Variants in TBC1D5 observed in about 807,000 individuals in gnomAD.
TBC1D5 encodes TBC1 domain family member 5.
Under a neutral mutation model 100.3 loss-of-function variants are expected in TBC1D5, and 75 were observed. The observed-to-expected ratio is 0.75, with a 90% CI of 0.62 to 0.91. The LOEUF (loss-of-function observed/expected upper bound fraction) is 0.91, where lower values mean the gene tolerates loss of function less well. Among genes scored for constraint, TBC1D5 ranks in the 40% least tolerant of loss-of-function variants. TBC1D5 has a pLI of 0.00. For synonymous variants in TBC1D5, 323 were observed against 325.6 expected, an observed-to-expected ratio of 0.99 and a Z score of 0.09; for missense variants, 910 against 942.4, an observed-to-expected ratio of 0.97 and a Z score of 0.45.
intron 13 of TBC1D5, among the ~76,000 whole-genome samples, chr3:17,338,004 ACT>A (rs748906381): frequency 2.6e-5 from 4 of 152,042 alleles, no homozygotes; most frequent in Non-Finnish European, 5.9e-5. Flanking sequence ...TATAATCTCT[ACT>A]CTCTGCCTCT....
intron 13 of TBC1D5, among the ~76,000 whole-genome samples, chr3:17,324,210 G>A (rs1397844842): frequency 2.6e-5 from 4 of 152,166 alleles, no homozygotes; most frequent in East Asian, 1.9e-4. Flanking sequence ...ATTGTACAAC[G>A]CCTTGAAAAT....
intron 8 of TBC1D5, among the ~76,000 whole-genome samples, chr3:17,386,939 C>T (rs928528507): frequency 1.3e-5 from 2 of 152,104 alleles, no homozygotes; most frequent in African/African-American, 2.4e-5. Context: ...AAATTGTCTA[C>T]TTTTAGCAAA....
At chr3:17,325,345 C>T (rs1198840649) in intron 13 of TBC1D5, among the ~76,000 whole-genome samples, 7 of 118,766 alleles carry the variant, frequency 5.9e-5, no homozygotes, top group South Asian at 2.6e-4. Flanking sequence ...TTTTTTGAGA[C>T]GAAGTCTTGC....
At chr3:17,556,187 T>C (rs545546842) in intron 2 of TBC1D5, among the ~76,000 whole-genome samples, 2 of 152,232 alleles carry the variant, frequency 1.3e-5, no homozygotes, top group Admixed American at 1.3e-4. Flanking sequence ...GCTAGTTTTT[T>C]TGTATTTTTA....
At chr3:17,729,342 G>A (rs1412553311) in intron 1 of TBC1D5, among the ~76,000 whole-genome samples, 4 of 108,896 alleles carry the variant, frequency 3.7e-5, no homozygotes, top group Admixed American at 2.2e-4. Context: ...TGTGAAAGAT[G>A]AAATTTGAGA....
chr3:17,670,636 T>C (rs1377088964), intron 1 of TBC1D5, among the ~76,000 whole-genome samples: 1 of 152,238 alleles, frequency 6.6e-6, no homozygotes, highest in Non-Finnish European at 1.5e-5. Flanking sequence ...ATCTTTAGCA[T>C]ACTAATCATC....
rs1258224213 is a variant in TBC1D5 at position 17,455,510 on chromosome 3, GTGTA to G, written c.98-26995_98-26992del. Reference sequence around the variant, plus strand: ...TATATGTGTATATATATATGTGTGTGTGTATATATATATATATATATGTGTGTGT... The same window carrying G: ...TATATGTGTATATATATATGTGTGTGTATATATATATATATATGTGTGTGT... On this transcript the variant is annotated intron_variant, in intron 3 of 21. Transcript: ENST00000253692. Among the ~76,000 whole-genome samples the G allele has an allele frequency of 7.3e-3, 913 of 125,378 alleles. 11 individuals are homozygous for G. The highest frequency in any genetic ancestry group is 0.026 in the African/African-American group (765 of 29,620). The allele number at this position is 125,378 out of a possible 152,430, so 82.3% of individuals were successfully genotyped here. A position where few individuals can be genotyped will look rare whatever the true frequency, so the allele number is the denominator to read the frequency against.
At chr3:17,626,459 T>C (rs1644198331) in intron 1 of TBC1D5, among the ~76,000 whole-genome samples, 1 of 152,192 alleles carries the variant, frequency 6.6e-6, no homozygotes, top group Non-Finnish European at 1.5e-5. Flanking sequence ...AAATATAACA[T>C]GGTCCCTGCT....
rs370783223 is a variant in TBC1D5 at position 17,649,383 on chromosome 3, C to A, written c.-100-25470G>T. 1.0e-3 allele frequency among the ~76,000 whole-genome samples: 155 copies of A among 152,062 alleles called. 2 individuals are homozygous for A. The South Asian group carries it at 0.018, about 18-fold the overall frequency. On this transcript the variant is annotated intron_variant, in intron 1 of 21. Transcript: ENST00000253692. ...TAATTATTGGGTACTGGGCTTAATA[C>A]CTGGGTGATGAAAAAATATGTACAA...
At chr3:17,285,838 A>G (rs541706717) in intron 15 of TBC1D5, among the ~76,000 whole-genome samples, 4 of 152,364 alleles carry the variant, frequency 2.6e-5, no homozygotes, top group African/African-American at 9.6e-5. Flanking sequence ...GACAAAATTT[A>G]ATATAACCTC....
intron 13 of TBC1D5, among the ~76,000 whole-genome samples, chr3:17,317,830 G>A (rs2084887694): frequency 1.3e-5 from 2 of 151,990 alleles, no homozygotes; most frequent in African/African-American, 4.8e-5. Context: ...GATTCCTCAG[G>A]GATCTAGAAC....
intron 2 of TBC1D5, among the ~76,000 whole-genome samples, chr3:17,540,536 TGGC>T (rs2096340866): frequency 6.6e-6 from 1 of 152,174 alleles, no homozygotes; most frequent in Non-Finnish European, 1.5e-5. Flanking sequence ...TTTTTACATG[TGGC>T]TATCCCGTTT....
At chr3:17,555,377 G>A (rs1244299137) in intron 2 of TBC1D5, among the ~76,000 whole-genome samples, 1 of 152,122 alleles carries the variant, frequency 6.6e-6, no homozygotes, top group African/African-American at 2.4e-5. Context: ...CAATATATGT[G>A]AGGTATACAC....
At chr3:17,187,011 G>T (rs1386489530) in intron 18 of TBC1D5, among the ~76,000 whole-genome samples, 1 of 152,094 alleles carries the variant, frequency 6.6e-6, no homozygotes, top group East Asian at 1.9e-4. Context: ...GGGCATTTCA[G>T]GGCTTTTTTT....
chr3:17,455,073 C>T (rs977565385), intron 3 of TBC1D5, among the ~76,000 whole-genome samples: 2 of 150,530 alleles, frequency 1.3e-5, no homozygotes, highest in African/African-American at 4.9e-5. Flanking sequence ...TGACATTCCT[C>T]ACACAAGTAG....
intron 1 of TBC1D5, among the ~76,000 whole-genome samples, chr3:17,711,426 A>C (rs980922691): frequency 6.6e-6 from 1 of 152,136 alleles, no homozygotes; most frequent in African/African-American, 2.4e-5. Context: ...CAATATCTTC[A>C]AGCTCCTGGT....
At chr3:17,242,642 C>G (rs917030294) in intron 16 of TBC1D5, among the ~76,000 whole-genome samples, 5 of 151,944 alleles carry the variant, frequency 3.3e-5, no homozygotes, top group African/African-American at 1.2e-4. Context: ...TTCTAAATAG[C>G]CTTGTTGGCT....
At chr3:17,558,975 C>T (rs2153468226) in intron 2 of TBC1D5, among the ~76,000 whole-genome samples, 1 of 152,178 alleles carries the variant, frequency 6.6e-6, no homozygotes, top group Middle Eastern at 3.4e-3. Context: ...CATGTTTAAC[C>T]ACACTCTCAG....
chr3:17,491,726 A>C (rs1031273664), intron 3 of TBC1D5, among the ~76,000 whole-genome samples: 7 of 152,192 alleles, frequency 4.6e-5, no homozygotes, highest in Non-Finnish European at 7.3e-5. Flanking sequence ...AGATTTCTGC[A>C]TTGATGTTCA....
Sources: gnomAD v4.1 joint callset for allele counts (sites outside exome capture counted in the v4.1 genomes callset) on GRCh38, gnomAD v4.1.1 for gene constraint, MANE v1.5 for transcripts, NCBI Gene and HGNC (gene_info 2026-07-23, HGNC 2026-07-21) for gene names.